The following SPDL1 variants were observed in gnomAD, a reference collection of about 807,000 sequenced individuals.
SPDL1 encodes the protein spindle apparatus coiled-coil protein 1, also known as protein Spindly.
SPDL1 carries 85 observed loss-of-function variants against 79.5 expected under a neutral mutation model. The observed-to-expected ratio is 1.07, with a 90% CI of 0.90 to 1.28. SPDL1 has a LOEUF of 1.28. SPDL1 is among the 50% of genes most tolerant of loss of function. The probability of loss-of-function intolerance (pLI) is 0.00; values close to 1 mark genes in which losing one functional copy is unlikely to be tolerated. For synonymous variants in SPDL1, 269 were observed against 240.3 expected, an observed-to-expected ratio of 1.12 and a Z score of -1.10; for missense variants, 703 against 697.8, an observed-to-expected ratio of 1.01 and a Z score of -0.08.
intron 11 of SPDL1, chr5:169,601,865 T>C: frequency 1.7e-6 from 1 of 581,140 alleles, no homozygotes; most frequent in South Asian, 1.9e-5. Context: ...TTCTGTTTCA[T>C]GAAAGGGAAT....
At chr5:169,594,772 A>C in intron 7 of SPDL1, 91 bp downstream of exon 7, 2 of 779,102 alleles carry the variant, frequency 2.6e-6, no homozygotes. Context: ...CTTTTTCTGC[A>C]AGGAGTGTAC....
chr5:169,587,978 A>AT (rs1360479288), intron 1 of SPDL1, among the ~76,000 whole-genome samples: 1 of 152,136 alleles, frequency 6.6e-6, no homozygotes, highest in African/African-American at 2.4e-5. Context: ...AGTTGCTGGG[A>AT]TTACAAGCAT....
At position 169,601,410 on chromosome 5, in the gene SPDL1, G is replaced by A. The variant is rs776724409; in HGVS notation, c.1455G>A (p.Glu485=). Residue 485 remains glutamate, a synonymous_variant, in exon 11 of 12, where the codon GAG becomes GAA. Transcript: ENST00000265295. ...TTTATCGATTACCGCCTCAGAAAGA[G>A]GAGACACAGTCCTGCCCTAACAGTT... is the stretch of plus-strand genomic sequence containing the variant. ...GEVYRLPPQK[E]ETQSCPNSLE... 2 of 1,613,966 alleles carry A rather than the reference G, an allele frequency of 1.2e-6. No individual in the cohort carries two copies. Among genetic ancestry groups the A allele is most frequent in the East Asian group, 2.2e-5 (1 of 44,868 alleles).
chr5:169,588,297 G>A (rs1755082871), intron 1 of SPDL1, 97 bp from the exon 2 acceptor site: 2 of 769,870 alleles, frequency 2.6e-6, no homozygotes, highest in Middle Eastern at 3.8e-4. Flanking sequence ...GTTTTTATAC[G>A]ACAGTAGTAT....
At position 169,604,564 on chromosome 5, in the gene SPDL1, AC is replaced by A. The variant is rs1308362341; in HGVS notation, c.*358del. 6.5e-6 allele frequency: 1 copy of A among 154,878 alleles called. No individual in the cohort carries two copies. The highest frequency in any genetic ancestry group is 1.4e-5 in the Non-Finnish European group (1 of 69,812). 9.6% of individuals were successfully genotyped at this position (154,878 alleles called of 1,614,324 possible). ...ATGCTTCAATCATATTTTCCTATGTACTTTTTTTTATAAACTTAGTTTTAGA... is the reference window on the plus strand; with the variant it reads ...ATGCTTCAATCATATTTTCCTATGTATTTTTTTTATAAACTTAGTTTTAGA... On this transcript the variant is annotated 3_prime_UTR_variant, in exon 12 of 12. Coordinates refer to ENST00000265295, the MANE Select transcript of SPDL1 (RefSeq NM_017785.5).
At chr5:169,601,803 T>A in intron 11 of SPDL1, 178 bp downstream of exon 11, 1 of 711,950 alleles carries the variant, frequency 1.4e-6, no homozygotes, top group Non-Finnish European at 2.5e-6. Flanking sequence ...CTAAACTGAT[T>A]GCAAAGGGAA....
intron 8 of SPDL1, 71 bp downstream of exon 8, chr5:169,596,772 T>C (rs1002031032): frequency 3.1e-6 from 4 of 1,277,694 alleles, no homozygotes; most frequent in Non-Finnish European, 4.3e-6. Context: ...GTTTGTTTTT[T>C]AAGTTTAAAT....
intron 1 of SPDL1, chr5:169,584,219 T>G (rs73312501): frequency 6.6e-6 from 1 of 152,302 alleles, no homozygotes; most frequent in South Asian, 2.1e-4. Context: ...GAGATACATA[T>G]TGGGTTTCAG....
intron 2 of SPDL1, chr5:169,590,630 C>T: frequency 2.4e-6 from 1 of 424,512 alleles, no homozygotes; most frequent in South Asian, 1.7e-5. Context: ...TTCAGTATTT[C>T]TTTTTTTTCA....
chr5:169,598,717 A>T, intron 9 of SPDL1, 138 bp downstream of exon 9: 1 of 949,486 alleles, frequency 1.1e-6, no homozygotes, highest in Non-Finnish European at 1.7e-6. Context: ...CTTTGTGCAG[A>T]TATTCATGTG....
intron 7 of SPDL1, 54 bp from the exon 8 acceptor site, chr5:169,596,507 T>G (rs1581308682): frequency 1.4e-6 from 2 of 1,462,118 alleles, no homozygotes; most frequent in East Asian, 4.6e-5. Context: ...AAAGTAGTTA[T>G]CAGAATCTTT....
At chr5:169,586,710 A>G (rs1279148975) in intron 1 of SPDL1, among the ~76,000 whole-genome samples, 1 of 152,186 alleles carries the variant, frequency 6.6e-6, no homozygotes, top group Non-Finnish European at 1.5e-5. Flanking sequence ...TCAGAAAATC[A>G]TATTGACCTT....
chr5:169,585,173 T>C (rs893838639), intron 1 of SPDL1, among the ~76,000 whole-genome samples: 3 of 152,190 alleles, frequency 2.0e-5, no homozygotes, highest in African/African-American at 7.2e-5. Context: ...CTCAGGAAAA[T>C]TTTTTTGTCC....
intron 7 of SPDL1, 140 bp from the exon 8 acceptor site, chr5:169,596,421 A>G (rs974436416): frequency 1.5e-6 from 1 of 658,920 alleles, no homozygotes; most frequent in Non-Finnish European, 2.5e-6. Flanking sequence ...AAAATTTATT[A>G]TTAGATTAGA....
At position 169,604,513 on chromosome 5, in the gene SPDL1, C is replaced by G. The variant is rs1756090972; in HGVS notation, c.*306C>G. The G allele has an allele frequency of 5.8e-6, 1 of 172,096 alleles. No homozygotes were observed. Among genetic ancestry groups the G allele is most frequent in the South Asian group, 2.0e-4 (1 of 5,016 alleles). 10.7% of individuals were successfully genotyped at this position (172,096 alleles called of 1,614,324 possible). ...GATTAAATGATAAAAAACAAGTAATCTACCCTCAGAGCCATGTATTTGAGA... is the reference window on the plus strand; with the variant it reads ...GATTAAATGATAAAAAACAAGTAATGTACCCTCAGAGCCATGTATTTGAGA... On this transcript the variant is annotated 3_prime_UTR_variant, in exon 12 of 12. Coordinates refer to ENST00000265295, the MANE Select transcript of SPDL1 (RefSeq NM_017785.5).
chr5:169,594,329 T>G (rs1561872027), intron 5 of SPDL1, 35 bp downstream of exon 5: 1 of 1,612,540 alleles, frequency 6.2e-7, no homozygotes. Context: ...GTTTTCCAAT[T>G]TATCATAACT....
chr5:169,586,156 C>G (rs1490149776), intron 1 of SPDL1: 1 of 152,302 alleles, frequency 6.6e-6, no homozygotes, highest in Admixed American at 6.5e-5. Flanking sequence ...CTACCATTCT[C>G]TCTTGAAGGC....
At chr5:169,601,985 A>T (rs1472206701) in intron 11 of SPDL1, 1 of 306,518 alleles carries the variant, frequency 3.3e-6, no homozygotes, top group Non-Finnish European at 6.2e-6. Flanking sequence ...ACTTTCTCAA[A>T]GGGCTTTCCA....
chr5:169,591,260 C>A, intron 3 of SPDL1, 36 bp downstream of exon 3: 1 of 1,581,884 alleles, frequency 6.3e-7, no homozygotes, highest in Non-Finnish European at 8.6e-7. Context: ...CAAAATATTC[C>A]ATATTTATGC....
Sources: allele counts gnomAD v4.1 joint callset (sites outside exome capture counted in the v4.1 genomes callset), GRCh38; gene constraint gnomAD v4.1.1; transcripts MANE v1.5; gene names NCBI Gene and HGNC (gene_info 2026-07-23, HGNC 2026-07-21).